CFAP263: variants seen among roughly 807,000 people sequenced by gnomAD.
CFAP263 encodes cilia- and flagella-associated protein 263.
the CFAP263 span, among the ~76,000 whole-genome samples, chr16:58,269,229 G>A: frequency 1.3e-5 from 2 of 152,166 alleles, no homozygotes; most frequent in East Asian, 3.9e-4. Flanking sequence ...TACTCGGGAG[G>A]CTGAGGGAGG....
chr16:58,254,161 T>C, the CFAP263 span: 2 of 1,614,036 alleles, frequency 1.2e-6, no homozygotes, highest in South Asian at 2.2e-5. Context: ...CATCACGAGG[T>C]ACACCTTCCT....
chr16:58,254,219 G>A, the CFAP263 span: 1 of 1,554,268 alleles, frequency 6.4e-7, no homozygotes, highest in Non-Finnish European at 8.9e-7. Flanking sequence ...ACCCCACTGA[G>A]AGGTATCTAG....
chr16:58,252,201 T>G, the CFAP263 span, among the ~76,000 whole-genome samples: 1 of 151,472 alleles, frequency 6.6e-6, no homozygotes, highest in Non-Finnish European at 1.5e-5. Flanking sequence ...AGATACCACC[T>G]CTACAAAAAA....
At chr16:58,251,160 T>G in the CFAP263 span, among the ~76,000 whole-genome samples, 1 of 152,216 alleles carries the variant, frequency 6.6e-6, no homozygotes, top group African/African-American at 2.4e-5. Context: ...ACCATGCATT[T>G]ACATATATGA....
At chr16:58,268,600 C>A in the CFAP263 span, among the ~76,000 whole-genome samples, 1 of 152,102 alleles carries the variant, frequency 6.6e-6, no homozygotes, top group Admixed American at 6.5e-5. Flanking sequence ...CCCAAAGCCA[C>A]AGGATTATTC....
At chr16:58,271,346 C>G in the CFAP263 span, among the ~76,000 whole-genome samples, 2 of 151,970 alleles carry the variant, frequency 1.3e-5, no homozygotes, top group African/African-American at 2.4e-5. Flanking sequence ...CAACATATAC[C>G]TCATACCCAG....
At chr16:58,280,091 C>T in the CFAP263 span, 5 of 874,952 alleles carry the variant, frequency 5.7e-6, no homozygotes, top group Non-Finnish European at 7.1e-6. Flanking sequence ...AGAGCCAGCC[C>T]AGTGTATGCC....
chr16:58,254,266 C>T, the CFAP263 span: 1 of 1,235,350 alleles, frequency 8.1e-7, no homozygotes, highest in Non-Finnish European at 1.2e-6. Context: ...TTGGAAGAAA[C>T]ACAGGTAGGA....
At chr16:58,262,351 G>A in the CFAP263 span, 17 of 1,577,918 alleles carry the variant, frequency 1.1e-5, no homozygotes, top group Admixed American at 5.1e-5. Context: ...CACAACTGAC[G>A]TATCATCTTT....
At chr16:58,257,633 A>G in the CFAP263 span, among the ~76,000 whole-genome samples, 3 of 150,396 alleles carry the variant, frequency 2.0e-5, no homozygotes, top group East Asian at 2.0e-4. Flanking sequence ...TTTCCCCCCA[A>G]TACTCAGGCT....
chr16:58,264,083 G>A, the CFAP263 span, among the ~76,000 whole-genome samples: 1 of 152,208 alleles, frequency 6.6e-6, no homozygotes, highest in Non-Finnish European at 1.5e-5. Flanking sequence ...AGAAAACAAT[G>A]TGCTGGCATT....
At chr16:58,254,116 G>A in the CFAP263 span, 92 of 1,614,216 alleles carry the variant, frequency 5.7e-5, no homozygotes, top group Admixed American at 1.8e-4. Context: ...GATGACTTAC[G>A]ACACACAAGG....
chr16:58,256,807 G>A, the CFAP263 span, among the ~76,000 whole-genome samples: 1 of 151,878 alleles, frequency 6.6e-6, no homozygotes, highest in South Asian at 2.1e-4. Context: ...AGTCTGGCTA[G>A]AGATACCATT....
chr16:58,252,631 G>T, the CFAP263 span: 1 of 1,045,226 alleles, frequency 9.6e-7, no homozygotes, highest in Non-Finnish European at 1.4e-6. Context: ...GCACCAAGGG[G>T]CTAACGGGTT....
At chr16:58,259,754 C>G in the CFAP263 span, 11 of 640,286 alleles carry the variant, frequency 1.7e-5, no homozygotes, top group Non-Finnish European at 2.9e-5. Flanking sequence ...TGTTAGGGCT[C>G]AAGGTTTGGT....
At chr16:58,258,254 G>A in the CFAP263 span, 2 of 849,088 alleles carry the variant, frequency 2.4e-6, no homozygotes. Context: ...CTAAGACTAA[G>A]AAGAAACATA....
At chr16:58,266,405 ATTTTTTTTTTTTTT>A in the CFAP263 span, among the ~76,000 whole-genome samples, 16 of 31,440 alleles carry the variant, frequency 5.1e-4, no homozygotes, top group Admixed American at 1.1e-3. Context: ...ATATATATAT[ATTTTTTTTTTTTTT>A]TTTTTTTTTT....
At chr16:58,252,813 G>T in the CFAP263 span, 1 of 1,613,804 alleles carries the variant, frequency 6.2e-7, no homozygotes, top group East Asian at 2.2e-5. Flanking sequence ...CGACCTCCAC[G>T]ATTATCAGAA....
the CFAP263 span, among the ~76,000 whole-genome samples, chr16:58,276,543 C>T: frequency 1.3e-5 from 2 of 152,188 alleles, no homozygotes; most frequent in Admixed American, 6.5e-5. Context: ...GCCAGCAGCA[C>T]CCCTCTAATT....
Sources: allele counts gnomAD v4.1 joint callset (sites outside exome capture counted in the v4.1 genomes callset), GRCh38; gene constraint gnomAD v4.1.1; transcripts MANE v1.5; gene names NCBI Gene and HGNC (gene_info 2026-07-23, HGNC 2026-07-21).